The following TTC19 variants were observed in gnomAD, a reference collection of about 807,000 sequenced individuals.
TTC19 encodes tetratricopeptide repeat domain 19.
In TTC19, 38 loss-of-function variants were observed where a neutral mutation model predicts 49.5. That is an observed-to-expected ratio of 0.77 (90% confidence interval 0.59 to 1.01). The LOEUF (loss-of-function observed/expected upper bound fraction) is 1.01. Ranked by LOEUF, TTC19 falls within the 50% of genes least tolerant of loss-of-function variation. The probability of loss-of-function intolerance (pLI) is 0.00; values close to 1 mark genes in which losing one functional copy is unlikely to be tolerated. For missense variants in TTC19, 475 were observed against 477.7 expected, an observed-to-expected ratio of 0.99 and a Z score of 0.05; for synonymous variants, 204 against 185.2, an observed-to-expected ratio of 1.10 and a Z score of -0.83.
chr17:16,037,759 T>A (rs2056716717), intron 2 of TTC19, among the ~76,000 whole-genome samples: 1 of 152,236 alleles, frequency 6.6e-6, no homozygotes, highest in Non-Finnish European at 1.5e-5. Flanking sequence ...CAAGTTTTGG[T>A]AGCCCTTTTG....
chr17:16,028,888 A>G lies in TTC19; in HGVS notation c.*1366A>G. ...AAAACACCAGAAACCTTGAGGTCCA[A>G]ATCCTCAGGGATTAGACTAAAACTA... On this transcript the variant is annotated 3_prime_UTR_variant, in exon 10 of 10. Coordinates refer to ENST00000261647, the MANE Select transcript of TTC19 (RefSeq NM_017775.4). 1 of 411,588 alleles carries G rather than the reference A, an allele frequency of 2.4e-6. No individual in the cohort carries two copies. 25.5% of individuals were successfully genotyped at this position (411,588 alleles called of 1,614,324 possible).
chr17:16,041,977 G>A (rs533526651), intron 2 of TTC19, among the ~76,000 whole-genome samples: 5 of 151,870 alleles, frequency 3.3e-5, no homozygotes, highest in East Asian at 3.9e-4. Flanking sequence ...ACCTCGATAT[G>A]CCCGCCTCGG....
intron 7 of TTC19, among the ~76,000 whole-genome samples, chr17:16,010,675 T>C (rs567693699): frequency 1.3e-5 from 2 of 152,066 alleles, no homozygotes; most frequent in Non-Finnish European, 2.9e-5. Context: ...GGTTTTACCA[T>C]GTTAGCCAGG....
intron 2 of TTC19, among the ~76,000 whole-genome samples, chr17:16,043,307 A>G (rs182659919): frequency 1.1e-4 from 17 of 152,346 alleles, no homozygotes; most frequent in Admixed American, 5.2e-4. Context: ...ATTTAGTTCT[A>G]CTTCCCAGTG....
At chr17:16,011,833 T>C (rs1015471664) in intron 7 of TTC19, among the ~76,000 whole-genome samples, 2 of 152,170 alleles carry the variant, frequency 1.3e-5, no homozygotes, top group African/African-American at 4.8e-5. Context: ...GTGGAATGAG[T>C]TAATACATAA....
At position 16,029,155 on chromosome 17, in the gene TTC19, G is replaced by A. The variant is rs1012177687; in HGVS notation, c.*1633G>A. ...TTCACAACTGCAGGGGTTACTGAAA[G>A]GTTTTTCATTCCAAGTTTTATTTAT... On this transcript the variant is annotated 3_prime_UTR_variant, in exon 10 of 10. Transcript: ENST00000261647. 1 of 452,846 alleles carries A rather than the reference G, an allele frequency of 2.2e-6. No homozygotes were observed. The highest frequency in any genetic ancestry group is 4.4e-6 in the Non-Finnish European group (1 of 226,494). 28.1% of individuals were successfully genotyped at this position (452,846 alleles called of 1,614,324 possible).
At chr17:16,011,719 T>C (rs968913848) in intron 7 of TTC19, among the ~76,000 whole-genome samples, 1 of 152,252 alleles carries the variant, frequency 6.6e-6, no homozygotes, top group Non-Finnish European at 1.5e-5. Context: ...CATTTCCTGG[T>C]TTGGCTATTT....
At chr17:16,025,265 G>A in intron 8 of TTC19, 94 bp downstream of exon 8, 1 of 1,310,256 alleles carries the variant, frequency 7.6e-7, no homozygotes, top group Non-Finnish European at 1.1e-6. Flanking sequence ...AGGATCAGCA[G>A]ATGGTCCTAG....
In TTC19 at chr17:16,028,162, A is replaced by G; in HGVS notation, c.*640A>G. On this transcript the variant is annotated 3_prime_UTR_variant, in exon 10 of 10. Coordinates refer to ENST00000261647, the MANE Select transcript of TTC19 (RefSeq NM_017775.4). ...TGAACCATATTTATCTGGTTATATA[A>G]AACTAAAAATGGGGGTGTTTATATA... is the stretch of plus-strand genomic sequence containing the variant. The G allele has an allele frequency of 2.2e-6, 1 of 454,066 alleles. No individual in the cohort carries two copies. Among genetic ancestry groups the G allele is most frequent in the South Asian group, 1.6e-5 (1 of 64,472 alleles). The allele number at this position is 454,066 out of a possible 1,614,324, so 28.1% of individuals were successfully genotyped here. A position where few individuals can be genotyped will look rare whatever the true frequency, so the allele number is the denominator to read the frequency against.
rs886052638 is a variant in TTC19 at position 16,028,840 on chromosome 17, A to T, written c.*1318A>T. The T allele has an allele frequency of 2.6e-6, 1 of 378,530 alleles. No homozygotes were observed. The highest frequency in any genetic ancestry group is 2.2e-5 in the African/African-American group (1 of 44,634). The allele number at this position is 378,530 out of a possible 1,614,324, so 23.4% of individuals were successfully genotyped here. A position where few individuals can be genotyped will look rare whatever the true frequency, so the allele number is the denominator to read the frequency against. ...TCTCAAAAAAAAAAAAAAAAAAAAA[A>T]AAAAAACTTTCTGAAGAAAATAAAA... On this transcript the variant is annotated 3_prime_UTR_variant, in exon 10 of 10. Coordinates refer to ENST00000261647, the MANE Select transcript of TTC19 (RefSeq NM_017775.4).
chr17:16,001,498 C>T (rs1223359637), intron 2 of TTC19, among the ~76,000 whole-genome samples: 12 of 152,176 alleles, frequency 7.9e-5, no homozygotes, highest in Admixed American at 7.9e-4. Flanking sequence ...TGGAAGGCTT[C>T]CCTAAGTCCT....
chr17:16,006,383 C>G, intron 6 of TTC19, 91 bp from the exon 7 acceptor site: 1 of 957,230 alleles, frequency 1.0e-6, no homozygotes, highest in Non-Finnish European at 1.7e-6. Context: ...GCACTCCAGC[C>G]TGGGCAACAA....
chr17:16,032,264 T>C (rs370706061), downstream of TTC19: 29 of 1,563,712 alleles, frequency 1.9e-5, no homozygotes, highest in African/African-American at 3.9e-4. Flanking sequence ...GAGATCCCTC[T>C]CCTGCACCCT....
rs1159443830 is a variant in TTC19 at position 15,999,827 on chromosome 17, G to T, written c.-22G>T. 8 of 1,545,144 alleles carry T rather than the reference G, an allele frequency of 5.2e-6. 1 individual carries two copies. The South Asian group carries it at 5.9e-5, about 11-fold the overall frequency. On this transcript the variant is annotated 5_prime_UTR_variant, in exon 1 of 10. Coordinates refer to ENST00000261647, the MANE Select transcript of TTC19 (RefSeq NM_017775.4). ...GCCAGGAGCGCGTCTGGCCTGCAGT[G>T]CGCAGAGGACGCGGCGGGAGCATGT...
rs1409282013 is a variant in TTC19 at position 16,027,957 on chromosome 17, C to T, written c.*435C>T. The T allele has an allele frequency of 6.6e-6, 3 of 454,502 alleles. No homozygotes were observed. Among genetic ancestry groups the T allele is most frequent in the African/African-American group, 6.0e-5 (3 of 50,010 alleles). The allele number at this position is 454,502 out of a possible 1,614,324, so 28.2% of individuals were successfully genotyped here. A position where few individuals can be genotyped will look rare whatever the true frequency, so the allele number is the denominator to read the frequency against. ...TGGCAAACTGACCAGAATTACCTTC[C>T]TCATGGCAAAGGGGGATTATGGTGA... is the stretch of plus-strand genomic sequence containing the variant. On this transcript the variant is annotated 3_prime_UTR_variant, in exon 10 of 10. Transcript: ENST00000261647.
intron 2 of TTC19, among the ~76,000 whole-genome samples, chr17:16,000,883 C>T (rs918496998): frequency 2.0e-5 from 3 of 152,226 alleles, no homozygotes; most frequent in Non-Finnish European, 4.4e-5. Context: ...CATCTCTTTA[C>T]TACCATCAGT....
exon 3 of TTC19, chr17:16,044,876 T>C: frequency 6.6e-6 from 5 of 761,950 alleles, no homozygotes; most frequent in Non-Finnish European, 1.1e-5. Context: ...CCACTGCTGC[T>C]GCTCCAGCTG....
chr17:16,039,780 C>T, intron 2 of TTC19: 3 of 826,498 alleles, frequency 3.6e-6, no homozygotes, highest in South Asian at 3.4e-5. Flanking sequence ...AATACCAGGA[C>T]CCACCACACA....
At chr17:16,006,049 A>G (rs938670288) in intron 6 of TTC19, among the ~76,000 whole-genome samples, 2 of 152,182 alleles carry the variant, frequency 1.3e-5, no homozygotes, top group Admixed American at 6.5e-5. Context: ...CCCTCTTCCC[A>G]TTTTACACTT....
Sources: gnomAD v4.1 joint callset for allele counts (sites outside exome capture counted in the v4.1 genomes callset) on GRCh38, gnomAD v4.1.1 for gene constraint, MANE v1.5 for transcripts, NCBI Gene and HGNC (gene_info 2026-07-23, HGNC 2026-07-21) for gene names.